Variants in NID1 observed in about 807,000 individuals in gnomAD.
NID1 encodes nidogen 1, also known as nidogen-1.
Under a neutral mutation model 130.6 loss-of-function variants are expected in NID1, and 76 were observed. The ratio of observed to expected loss-of-function variants is 0.58; its 90% CI spans 0.48 to 0.70. NID1 has a LOEUF of 0.70. Among genes scored for constraint, NID1 ranks in the 30% least tolerant of loss-of-function variants. The pLI is 0.00. For synonymous variants in NID1, 665 were observed against 675.1 expected (o/e 0.98, Z 0.23); for missense variants, 1,517 against 1,664.8 (o/e 0.91, Z 1.54).
intron 12 of NID1, 99 bp from the exon 13 acceptor site, chr1:235,993,971 G>A (rs1406998291): frequency 2.8e-6 from 3 of 1,054,418 alleles, no homozygotes; most frequent in Non-Finnish European, 4.1e-6. Context: ...TCAGAACCAC[G>A]AGGGCTGCCT....
At chr1:236,038,006 T>G (rs1659311210) in intron 5 of NID1, 98 bp downstream of exon 5, 1 of 1,395,320 alleles carries the variant, frequency 7.2e-7, no homozygotes, top group East Asian at 2.4e-5. Context: ...TCTACACACC[T>G]ACGGAGATGT....
At chr1:236,032,337 T>A (rs1659121620) in intron 6 of NID1, 64 bp downstream of exon 6, 1 of 1,569,758 alleles carries the variant, frequency 6.4e-7, no homozygotes, top group East Asian at 2.2e-5. Context: ...CTTCCATCCA[T>A]CCCCAGGCCT....
intron 1 of NID1, chr1:236,064,422 G>A (rs537739458): frequency 4.2e-4 from 79 of 190,340 alleles, no homozygotes; most frequent in African/African-American, 1.8e-3. Flanking sequence ...CCCGGGGCCC[G>A]CGCGCAGACT....
At chr1:235,987,426 G>A (rs907095097) in intron 14 of NID1, among the ~76,000 whole-genome samples, 1 of 152,180 alleles carries the variant, frequency 6.6e-6, no homozygotes, top group Non-Finnish European at 1.5e-5. Flanking sequence ...GAGAAACCAG[G>A]TGAAAGGTAC....
intron 2 of NID1, 39 bp from the exon 3 acceptor site, chr1:236,045,722 A>G (rs752611299): frequency 1.4e-4 from 203 of 1,492,790 alleles, no homozygotes; most frequent in Non-Finnish European, 1.8e-4. Context: ...TCGGAAAAAT[A>G]TCGATAGATT....
At position 236,017,156 on chromosome 1, in the gene NID1, G is replaced by A. The variant is rs778372709; in HGVS notation, c.2246C>T (p.Thr749Met). The A allele has an allele frequency of 2.5e-6, 4 of 1,613,862 alleles. No homozygotes were observed. Among genetic ancestry groups the A allele is most frequent in the Non-Finnish European group, 3.4e-6 (4 of 1,179,886 alleles). Residue 749 changes from threonine (T) to methionine (M), a missense_variant, in exon 10 of 20, where the codon ACG becomes ATG. Physicochemically the swap from Thr to Met is moderately conservative, Grantham distance 81 (BLOSUM62 -1). Around this residue, in one of 3 missense-constraint regions of NID1, gnomAD observed 1,329 missense variants for 1,429.2 expected, o/e 0.93. Coordinates refer to ENST00000264187, the MANE Select transcript of NID1 (RefSeq NM_002508.3). ...TTACCTGGAGAACTTACCCACACACGTTCCCTCATCTGAAAACTGGTAGCC... is the reference window on the plus strand; with the variant it reads ...TTACCTGGAGAACTTACCCACACACATTCCCTCATCTGAAAACTGGTAGCC... ...VEGYQFSDEG[T>M]CVAVVDQRPI... is the part of the protein sequence containing the mutation.
chr1:235,989,737 G>A (rs746705773), intron 14 of NID1, among the ~76,000 whole-genome samples: 1 of 152,222 alleles, frequency 6.6e-6, no homozygotes, highest in Non-Finnish European at 1.5e-5. Flanking sequence ...ATCAGGACAG[G>A]CCTCTCTGAG....
chr1:236,029,132 G>A (rs1013153030), intron 7 of NID1, among the ~76,000 whole-genome samples: 5 of 151,132 alleles, frequency 3.3e-5, no homozygotes, highest in African/African-American at 1.2e-4. Flanking sequence ...AGCTGAGATC[G>A]CACCACTGCA....
intron 12 of NID1, among the ~76,000 whole-genome samples, chr1:236,000,933 G>A (rs749939496): frequency 3.9e-5 from 6 of 152,108 alleles, no homozygotes; most frequent in Non-Finnish European, 7.3e-5. Context: ...AATGGAACTT[G>A]TTTGGGAAGG....
At chr1:236,021,179 T>C (rs1416547728) in intron 9 of NID1, among the ~76,000 whole-genome samples, 1 of 151,968 alleles carries the variant, frequency 6.6e-6, no homozygotes, top group Non-Finnish European at 1.5e-5. Context: ...AGGGCTCCCG[T>C]TCACACACAC....
In NID1 at chr1:235,981,674, C is replaced by T. The variant is rs747099610; in HGVS notation, c.3164G>A (p.Arg1055His). ...IEVAKLDGTQ[R>H]RVLFETDLVN... ...CAAGTCAGTCTCAAAGAGCACCCGG[C>T]GCTGCGTGCCGTCCAGCTTCGCCAC... The change falls in exon 16 of 20, where the codon CGC becomes CAC. Residue 1055 changes from arginine to histidine, a missense_variant. By Grantham distance (29) the Arg-to-His change is conservative. Around this residue, in one of 3 missense-constraint regions of NID1, gnomAD observed 1,329 missense variants for 1,429.2 expected, o/e 0.93. Coordinates refer to ENST00000264187, the MANE Select transcript of NID1 (RefSeq NM_002508.3). 18 of 1,614,078 alleles carry T rather than the reference C, an allele frequency of 1.1e-5. No individual in the cohort carries two copies. The highest frequency in any genetic ancestry group is 1.4e-5 in the Non-Finnish European group (16 of 1,180,042).
rs904873052 is a variant in NID1 at position 235,976,052 on chromosome 1, G to C, written c.*1815C>G. 3.3e-5 allele frequency: 5 copies of C among 152,194 alleles called. No individual in the cohort carries two copies. The highest frequency in any genetic ancestry group is 5.9e-5 in the Non-Finnish European group (4 of 67,976). The allele number at this position is 152,194 out of a possible 1,614,324, so 9.4% of individuals were successfully genotyped here. A position where few individuals can be genotyped will look rare whatever the true frequency, so the allele number is the denominator to read the frequency against. On this transcript the variant is annotated 3_prime_UTR_variant, in exon 20 of 20. Coordinates refer to ENST00000264187, the MANE Select transcript of NID1 (RefSeq NM_002508.3). ...ATCATGATGAACATTTGATATAGAG[G>C]GTTTAATATGAAACGATAAATACAA...
intron 1 of NID1, among the ~76,000 whole-genome samples, chr1:236,061,709 A>G (rs1200623964): frequency 2.6e-5 from 4 of 152,084 alleles, no homozygotes; most frequent in Non-Finnish European, 5.9e-5. Flanking sequence ...TCTTGTTGAA[A>G]GATGAGGCCC....
At position 236,056,394 on chromosome 1, in the gene NID1, T is replaced by C. The variant is rs375079659; in HGVS notation, c.226-7405A>G. On this transcript the variant is annotated intron_variant, in intron 1 of 19. Transcript: ENST00000264187. ...ATATTTATGGGGTACACGTGGAGTA[T>C]ATATTTTGATACATGCATACATACA... Among the ~76,000 whole-genome samples the C allele has an allele frequency of 8.5e-5, 13 of 152,352 alleles. No individual in the cohort carries two copies. The East Asian group carries it at 1.7e-3, about 20-fold the overall frequency.
chr1:236,045,464 A>G lies in NID1; in HGVS notation c.745T>C (p.Leu249=), dbSNP rs756957800. Reference sequence around the variant, plus strand: ...AGAACAAAGAAAGCATACTTGGCCAAATTTTCAACTGATTCCCTGTCATTA... The same window carrying G: ...AGAACAAAGAAAGCATACTTGGCCAGATTTTCAACTGATTCCCTGTCATTA... ...FANDRESVEN[L]AKSSNSGQQG... Residue 249 remains leucine, a synonymous_variant, in exon 3 of 20, where the codon TTG becomes CTG. Transcript: ENST00000264187. 48 of 1,613,718 alleles carry G rather than the reference A, an allele frequency of 3.0e-5. No individual in the cohort carries two copies. The highest frequency in any genetic ancestry group is 3.8e-5 in the Non-Finnish European group (45 of 1,179,802).
intron 14 of NID1, among the ~76,000 whole-genome samples, chr1:235,989,834 T>C (rs1657678826): frequency 6.6e-6 from 1 of 152,194 alleles, no homozygotes; most frequent in Non-Finnish European, 1.5e-5. Context: ...GCAAAGGCCC[T>C]GAGACAGAAA....
chr1:236,000,510 A>G (rs1488835583), intron 12 of NID1, among the ~76,000 whole-genome samples: 1 of 152,170 alleles, frequency 6.6e-6, no homozygotes, highest in Non-Finnish European at 1.5e-5. Flanking sequence ...ACCTTTCTGG[A>G]CCAAACCAAC....
chr1:235,992,012 G>C (rs952765720), intron 13 of NID1, among the ~76,000 whole-genome samples: 3 of 152,168 alleles, frequency 2.0e-5, no homozygotes, highest in Admixed American at 1.3e-4. Context: ...CCCTCGCCGG[G>C]CTCCTTGATT....
chr1:236,010,631 C>T (rs1023133757), intron 12 of NID1, among the ~76,000 whole-genome samples: 2 of 152,190 alleles, frequency 1.3e-5, no homozygotes, highest in Non-Finnish European at 2.9e-5. Context: ...GCAGAGCTTA[C>T]AGTCTCTGTC....
Sources: gnomAD v4.1 joint callset for allele counts (sites outside exome capture counted in the v4.1 genomes callset) on GRCh38, gnomAD v4.1.1 for gene constraint, gnomAD v4.1.1 regional missense constraint, MANE v1.5 for transcripts, NCBI Gene and HGNC (gene_info 2026-07-23, HGNC 2026-07-21) for gene names.